MET: variants seen among roughly 807,000 people sequenced by gnomAD.
The protein encoded by MET is MET proto-oncogene, receptor tyrosine kinase.
In MET, 48 loss-of-function variants were observed where a neutral mutation model predicts 133.1. That is an observed-to-expected ratio of 0.36 (90% CI 0.29 to 0.46). The LOEUF (loss-of-function observed/expected upper bound fraction) is 0.46, where lower values mean the gene tolerates loss of function less well. Ranked by LOEUF, MET falls within the 20% of genes least tolerant of loss-of-function variation. The pLI is 1.00. For missense variants in MET, 1,442 were observed against 1,695.9 expected (o/e 0.85, Z 2.63); for synonymous variants, 628 against 616.5 (o/e 1.02, Z -0.28).
intron 17 of MET, among the ~76,000 whole-genome samples, chr7:116,781,278 T>C (rs1352337226): frequency 6.6e-6 from 1 of 152,184 alleles, no homozygotes; most frequent in Non-Finnish European, 1.5e-5. Flanking sequence ...GCTTCCCCCA[T>C]GTGACCCTGC....
intron 1 of MET, among the ~76,000 whole-genome samples, chr7:116,680,537 G>A (rs572035958): frequency 2.0e-5 from 3 of 152,242 alleles, no homozygotes; most frequent in African/African-American, 7.2e-5. Context: ...AAGGGGAAAG[G>A]TGGGCGGGAT....
At chr7:116,792,863 A>T (rs1183196417) in intron 19 of MET, among the ~76,000 whole-genome samples, 2 of 152,232 alleles carry the variant, frequency 1.3e-5, no homozygotes, top group African/African-American at 4.8e-5. Flanking sequence ...ACATCACAGG[A>T]TTGTAACCAA....
intron 19 of MET, among the ~76,000 whole-genome samples, chr7:116,793,554 C>T (rs1423379004): frequency 1.3e-5 from 2 of 152,134 alleles, no homozygotes; most frequent in African/African-American, 2.4e-5. Flanking sequence ...ATCCCTTCCC[C>T]TACTCCAACA....
chr7:116,762,743 A>T (rs1336000420), intron 10 of MET, among the ~76,000 whole-genome samples: 2 of 152,188 alleles, frequency 1.3e-5, no homozygotes, highest in African/African-American at 2.4e-5. Flanking sequence ...AACAAGGGGC[A>T]GTTCCTCCAG....
At chr7:116,716,533 GAA>G (rs1017482688) in intron 2 of MET, among the ~76,000 whole-genome samples, 2 of 140,768 alleles carry the variant, frequency 1.4e-5, no homozygotes, top group Non-Finnish European at 1.6e-5. Flanking sequence ...AAGAAAGAAA[GAA>G]AGAAGATATG....
intron 18 of MET, among the ~76,000 whole-genome samples, chr7:116,782,619 C>G (rs372516956): frequency 7.0e-4 from 106 of 152,294 alleles, no homozygotes; most frequent in African/African-American, 2.4e-3. Flanking sequence ...TTCATGTTTT[C>G]CCTTGCATAG....
chr7:116,755,288 G>A (rs549454527), intron 5 of MET, 67 bp from the exon 6 acceptor site: 104 of 1,548,220 alleles, frequency 6.7e-5, no homozygotes, highest in South Asian at 3.3e-4. Flanking sequence ...TTGTTTGTTC[G>A]TTTTCCATAT....
At position 116,763,080 on chromosome 7, in the gene MET, A is replaced by G. The variant is rs1288804179; in HGVS notation, c.2395A>G (p.Ile799Val). 1.2e-6 allele frequency: 2 copies of G among 1,614,034 alleles called. No homozygotes were observed. Among genetic ancestry groups the G allele is most frequent in the African/African-American group, 1.3e-5 (1 of 75,020 alleles). Residue 799 changes from isoleucine (I) to valine (V), a missense_variant, in exon 11 of 21, where the codon ATC (isoleucine) becomes GTC (valine). Transcript: ENST00000397752. ...ACQHRSNSEI[I>V]CCTTPSLQQL... Reference sequence around the variant, plus strand: ...TCAACATCGCTCTAATTCAGAGATAATCTGTTGTACCACTCCTTCCCTGCA... The same window carrying G: ...TCAACATCGCTCTAATTCAGAGATAGTCTGTTGTACCACTCCTTCCCTGCA...
chr7:116,721,569 G>C (rs901607487), intron 2 of MET, among the ~76,000 whole-genome samples: 2 of 152,030 alleles, frequency 1.3e-5, no homozygotes, highest in African/African-American at 4.8e-5. Context: ...TCTTTTAATT[G>C]TGATGTTAGG....
intron 3 of MET, among the ~76,000 whole-genome samples, chr7:116,738,282 A>T (rs2116817718): frequency 6.6e-6 from 1 of 152,314 alleles, no homozygotes; most frequent in East Asian, 1.9e-4. Flanking sequence ...ATGAGATGTG[A>T]TGAGCCCAGA....
chr7:116,772,624 TG>T (rs1794871051), intron 14 of MET, among the ~76,000 whole-genome samples: 1 of 152,204 alleles, frequency 6.6e-6, no homozygotes, highest in Non-Finnish European at 1.5e-5. Context: ...GCAAAAGGTC[TG>T]TATTGTATCA....
intron 11 of MET, among the ~76,000 whole-genome samples, chr7:116,766,444 T>C (rs1794632085): frequency 6.6e-6 from 1 of 152,124 alleles, no homozygotes; most frequent in Non-Finnish European, 1.5e-5. Context: ...TGTGTGGGCA[T>C]TGGAAGGATC....
At position 116,740,838 on chromosome 7, in the gene MET, C is replaced by G; in HGVS notation, c.1528-14C>G. On this transcript the variant is annotated splice_polypyrimidine_tract_variant and intron_variant, in intron 4 of 20. Coordinates refer to ENST00000397752, the MANE Select transcript of MET (RefSeq NM_000245.4). ...TACCCCTCTGGAAGCTCTTTCCACC[C>G]CTTCTCTTCACAGATCACGAAGATC... The G allele has an allele frequency of 6.2e-7, 1 of 1,613,828 alleles. No homozygotes were observed. Among genetic ancestry groups the G allele is most frequent in the Non-Finnish European group, 8.5e-7 (1 of 1,180,004 alleles).
intron 17 of MET, among the ~76,000 whole-genome samples, chr7:116,779,248 G>A (rs1712019828): frequency 6.6e-6 from 1 of 152,210 alleles, no homozygotes; most frequent in African/African-American, 2.4e-5. Flanking sequence ...CAGAAACTGT[G>A]CACAGCACAG....
At chr7:116,726,853 G>T (rs1792811595) in intron 2 of MET, among the ~76,000 whole-genome samples, 1 of 152,226 alleles carries the variant, frequency 6.6e-6, no homozygotes, top group Admixed American at 6.5e-5. Flanking sequence ...CAAGGCAGAA[G>T]AGATAGGAGA....
At chr7:116,736,496 A>G (rs1230985748) in intron 3 of MET, among the ~76,000 whole-genome samples, 1 of 152,234 alleles carries the variant, frequency 6.6e-6, no homozygotes, top group Non-Finnish European at 1.5e-5. Context: ...GGTTTAATTA[A>G]AGATAAAACT....
intron 14 of MET, 22 bp downstream of exon 14, chr7:116,772,011 T>C (rs1358505053): frequency 6.2e-7 from 1 of 1,612,808 alleles, no homozygotes; most frequent in East Asian, 2.2e-5. Flanking sequence ...TTTATTGTTC[T>C]GAGAAATACC....
chr7:116,764,799 C>G (rs1234884854), intron 11 of MET, among the ~76,000 whole-genome samples: 1 of 152,126 alleles, frequency 6.6e-6, no homozygotes, highest in Non-Finnish European at 1.5e-5. Flanking sequence ...AACTCTTTCT[C>G]TAACAAGTGT....
At chr7:116,759,725 G>A (rs1270203029) in intron 10 of MET, 3 of 509,648 alleles carry the variant, frequency 5.9e-6, no homozygotes, top group African/African-American at 5.8e-5. Flanking sequence ...GTTTAGACAA[G>A]AATGAAGATT....
Sources: allele counts gnomAD v4.1 joint callset (sites outside exome capture counted in the v4.1 genomes callset), GRCh38; gene constraint gnomAD v4.1.1; transcripts MANE v1.5; gene names NCBI Gene and HGNC (gene_info 2026-07-23, HGNC 2026-07-21).